DPYD: variants seen among roughly 807,000 people sequenced by gnomAD.
DPYD encodes dihydropyrimidine dehydrogenase.
DPYD carries 109 observed loss-of-function variants against 116.2 expected under a neutral mutation model. The observed-to-expected ratio is 0.94, with a 90% confidence interval of 0.80 to 1.10. The LOEUF is 1.10. DPYD is among the 50% of genes least tolerant of loss of function. The pLI is 0.00. For missense variants in DPYD, 1,302 were observed against 1,254.5 expected (o/e 1.04, Z -0.57); for synonymous variants, 440 against 432.0 (o/e 1.02, Z -0.23).
At chr1:97,281,458 T>C (rs1665319228) in intron 18 of DPYD, among the ~76,000 whole-genome samples, 1 of 151,894 alleles carries the variant, frequency 6.6e-6, no homozygotes, top group Non-Finnish European at 1.5e-5. Flanking sequence ...AAAGAGCAGA[T>C]AACAGATGAG....
At chr1:97,748,364 T>C (rs1386796393) in intron 3 of DPYD, among the ~76,000 whole-genome samples, 3 of 152,134 alleles carry the variant, frequency 2.0e-5, no homozygotes, top group Non-Finnish European at 4.4e-5. Flanking sequence ...ATCCTAGCAC[T>C]GTGGGAGGCC....
intron 3 of DPYD, among the ~76,000 whole-genome samples, chr1:97,818,400 C>T (rs574722168): frequency 1.3e-5 from 2 of 151,924 alleles, no homozygotes; most frequent in South Asian, 2.1e-4. Context: ...ACTGTTTCAC[C>T]AGATTTGTAC....
chr1:97,617,499 T>G (rs1160419396), intron 8 of DPYD, among the ~76,000 whole-genome samples: 1 of 152,174 alleles, frequency 6.6e-6, no homozygotes, highest in Non-Finnish European at 1.5e-5. Context: ...AACTTTAGCT[T>G]TGCTGGATCT....
intron 18 of DPYD, among the ~76,000 whole-genome samples, chr1:97,263,400 A>C (rs1023826501): frequency 6.6e-6 from 1 of 152,148 alleles, no homozygotes; most frequent in African/African-American, 2.4e-5. Context: ...GGCTTGGAAA[A>C]AAATGTTAAT....
intron 3 of DPYD, among the ~76,000 whole-genome samples, chr1:97,747,665 T>C (rs1571292326): frequency 6.6e-6 from 1 of 152,226 alleles, no homozygotes; most frequent in East Asian, 1.9e-4. Flanking sequence ...GTACATAGCA[T>C]ATATGCATGG....
At chr1:97,775,376 C>T (rs1020524907) in intron 3 of DPYD, among the ~76,000 whole-genome samples, 1 of 151,976 alleles carries the variant, frequency 6.6e-6, no homozygotes, top group South Asian at 2.1e-4. Flanking sequence ...ACCTAAATTT[C>T]CCCCCCTGCT....
At chr1:97,388,235 T>C (rs1224323647) in intron 14 of DPYD, among the ~76,000 whole-genome samples, 3 of 152,062 alleles carry the variant, frequency 2.0e-5, no homozygotes, top group Non-Finnish European at 4.4e-5. Context: ...GAAGAAAGTA[T>C]TGAAGAGGTC....
intron 16 of DPYD, among the ~76,000 whole-genome samples, chr1:97,368,350 C>A (rs1234208128): frequency 6.6e-6 from 1 of 152,144 alleles, no homozygotes; most frequent in African/African-American, 2.4e-5. Flanking sequence ...ATTGGAAAAT[C>A]TTTAAGGTTC....
chr1:97,662,134 G>A (rs945687641), intron 8 of DPYD, among the ~76,000 whole-genome samples: 6 of 150,822 alleles, frequency 4.0e-5, no homozygotes, highest in Non-Finnish European at 8.9e-5. Flanking sequence ...CCTAGTAGCT[G>A]GGACTACAGG....
intron 8 of DPYD, among the ~76,000 whole-genome samples, chr1:97,639,706 A>G (rs942294528): frequency 4.6e-5 from 7 of 152,170 alleles, no homozygotes; most frequent in African/African-American, 1.4e-4. Context: ...GTGTATGTGA[A>G]CTTAATTTCA....
At chr1:97,781,068 C>T (rs1313010982) in intron 3 of DPYD, among the ~76,000 whole-genome samples, 1 of 152,134 alleles carries the variant, frequency 6.6e-6, no homozygotes, top group Non-Finnish European at 1.5e-5. Flanking sequence ...CACACAGCCA[C>T]AGAAAACCAA....
intron 7 of DPYD, among the ~76,000 whole-genome samples, chr1:97,686,364 C>T (rs1297368080): frequency 6.6e-6 from 1 of 152,060 alleles, no homozygotes; most frequent in African/African-American, 2.4e-5. Flanking sequence ...AGGCCGGGCG[C>T]GGTGGCTCAC....
At chr1:97,396,330 C>T (rs1673004382) in intron 14 of DPYD, among the ~76,000 whole-genome samples, 1 of 123,782 alleles carries the variant, frequency 8.1e-6, no homozygotes, top group African/African-American at 2.7e-5. Flanking sequence ...AATATTTATA[C>T]TTTGAATGAT....
At chr1:97,889,113 C>T (rs760273613) in intron 1 of DPYD, among the ~76,000 whole-genome samples, 34 of 151,956 alleles carry the variant, frequency 2.2e-4, no homozygotes, top group East Asian at 3.9e-4. Flanking sequence ...GCCGAGATCA[C>T]GCCACTGCAC....
At chr1:97,774,876 A>C (rs1420464875) in intron 3 of DPYD, 1 of 216,394 alleles carries the variant, frequency 4.6e-6, no homozygotes, top group Non-Finnish European at 1.0e-5. Context: ...AACATCTTTG[A>C]AAACATACAA....
chr1:97,414,397 T>A (rs986010240), intron 14 of DPYD, among the ~76,000 whole-genome samples: 25 of 152,228 alleles, frequency 1.6e-4, no homozygotes, highest in African/African-American at 5.8e-4. Flanking sequence ...ATTATCCCTA[T>A]CTTATGGTCT....
intron 19 of DPYD, among the ~76,000 whole-genome samples, chr1:97,221,587 C>T (rs994739609): frequency 1.3e-5 from 2 of 152,008 alleles, no homozygotes; most frequent in Non-Finnish European, 2.9e-5. Flanking sequence ...ATTCCCAGTA[C>T]AGTCCAGGTT....
At chr1:97,282,390 C>G (rs970958648) in intron 18 of DPYD, among the ~76,000 whole-genome samples, 1 of 151,678 alleles carries the variant, frequency 6.6e-6, no homozygotes, top group Admixed American at 6.6e-5. Context: ...ACAAAGCTTT[C>G]CTTTACCATT....
chr1:97,279,992 C>T (rs1284760774), intron 18 of DPYD: 1 of 152,100 alleles, frequency 6.6e-6, no homozygotes, highest in Non-Finnish European at 1.5e-5. Context: ...TCTGAGGATC[C>T]TTCTAAGAAA....
Sources: gnomAD v4.1 joint callset for allele counts (sites outside exome capture counted in the v4.1 genomes callset) on GRCh38, gnomAD v4.1.1 for gene constraint, MANE v1.5 for transcripts, NCBI Gene and HGNC (gene_info 2026-07-23, HGNC 2026-07-21) for gene names.